Variants in PER3 observed in about 807,000 individuals in gnomAD.
PER3 encodes period circadian protein homolog 3.
Under a neutral mutation model 127.2 loss-of-function variants are expected in PER3, and 107 were observed. The ratio of observed to expected loss-of-function variants is 0.84; its 90% confidence interval spans 0.72 to 0.99. The LOEUF (loss-of-function observed/expected upper bound fraction) is 0.99. Ranked by LOEUF, PER3 falls within the 50% of genes least tolerant of loss-of-function variation. The pLI, the probability that PER3 is intolerant of heterozygous loss-of-function variation, is 0.00. For synonymous variants in PER3, 618 were observed against 585.8 expected (o/e 1.05, Z -0.79); for missense variants, 1,560 against 1,525.8 (o/e 1.02, Z -0.37).
intron 6 of PER3, among the ~76,000 whole-genome samples, chr1:7,795,622 C>G (rs919506934): frequency 2.0e-5 from 3 of 152,152 alleles, no homozygotes; most frequent in Non-Finnish European, 4.4e-5. Context: ...GGAGGAGTGA[C>G]ACGGAGCTGC....
chr1:7,827,402 C>G lies in PER3; in HGVS notation c.2473C>G (p.Pro825Ala). Residue 825 changes from proline to alanine, a missense_variant, in exon 18 of 22, where the codon CCC becomes GCC. By Grantham distance (27) the Pro-to-Ala change is conservative. This residue lies in a region of PER3 where 1,332 missense variants were observed against 1,223.6 expected (regional missense o/e 1.09). Coordinates refer to ENST00000377532, the MANE Select transcript of PER3 (RefSeq NM_001377275.1). Reference sequence around the variant, plus strand: ...CTCACCCGGAAGAGAATACGCAGCCCCCGGAACTGCACCGGAAGGCCTGCA... The same window carrying G: ...CTCACCCGGAAGAGAATACGCAGCCGCCGGAACTGCACCGGAAGGCCTGCA... Reference protein sequence around the residue: ...ATSPGREYAAPGTAPEGLHGL... With the variant: ...ATSPGREYAAAGTAPEGLHGL... 2 of 1,614,176 alleles carry G rather than the reference C, an allele frequency of 1.2e-6. No individual in the cohort carries two copies. Among genetic ancestry groups the G allele is most frequent in the South Asian group, 1.1e-5 (1 of 91,086 alleles).
At chr1:7,832,369 T>A in intron 19 of PER3, among the ~76,000 whole-genome samples, 1 of 50,352 alleles carries the variant, frequency 2.0e-5, no homozygotes. Context: ...TTATGCTCTT[T>A]TTTTTTTTTT....
At chr1:7,798,381 C>T in intron 6 of PER3, 144 bp from the exon 7 acceptor site, 1 of 637,772 alleles carries the variant, frequency 1.6e-6, no homozygotes, top group East Asian at 2.8e-5. Context: ...CATATTCTTT[C>T]TTTTGAAAAC....
chr1:7,822,770 A>G (rs1051863033), intron 16 of PER3, among the ~76,000 whole-genome samples: 8 of 152,210 alleles, frequency 5.3e-5, no homozygotes, highest in African/African-American at 1.4e-4. Flanking sequence ...TTAAAAGGCA[A>G]AAATTGGGCC....
intron 20 of PER3, among the ~76,000 whole-genome samples, chr1:7,836,213 T>G (rs2097357687): frequency 6.6e-6 from 1 of 151,618 alleles, no homozygotes; most frequent in African/African-American, 2.4e-5. Flanking sequence ...AGAGTCTCAC[T>G]CTGTCGCCCA....
intron 6 of PER3, among the ~76,000 whole-genome samples, chr1:7,798,106 A>G (rs1212159363): frequency 6.6e-6 from 1 of 152,206 alleles, no homozygotes; most frequent in Admixed American, 6.5e-5. Context: ...GAGTGTAGAA[A>G]GGGACGACTG....
At chr1:7,796,957 A>G (rs2097148370) in intron 6 of PER3, among the ~76,000 whole-genome samples, 1 of 152,152 alleles carries the variant, frequency 6.6e-6, no homozygotes, top group African/African-American at 2.4e-5. Context: ...AAATTCTAGG[A>G]AAATCAACTT....
chr1:7,810,284 C>CTG, intron 12 of PER3, 154 bp from the exon 13 acceptor site: 1 of 645,218 alleles, frequency 1.5e-6, no homozygotes, highest in East Asian at 2.8e-5. Context: ...TACCAGTATA[C>CTG]TGTGGCATGG....
At position 7,810,659 on chromosome 1, in the gene PER3, G is replaced by A. The variant is rs2097215472; in HGVS notation, c.1522+71G>A. 2.1e-6 allele frequency: 3 copies of A among 1,418,006 alleles called. No homozygotes were observed. The African/African-American group carries it at 4.3e-5, about 20-fold the overall frequency. The allele number at this position is 1,418,006 out of a possible 1,614,324, so 87.8% of individuals were successfully genotyped here. A position where few individuals can be genotyped will look rare whatever the true frequency, so the allele number is the denominator to read the frequency against. On this transcript the variant is annotated intron_variant, in intron 13 of 21. Coordinates refer to ENST00000377532, the MANE Select transcript of PER3 (RefSeq NM_001377275.1). The stretch of plus-strand genomic sequence containing the variant: ...CTCTCTGCATAGACGTCATGTATGT[G>A]ATTCGTGAGCATAAAGTCATGACCC...
In PER3 at chr1:7,819,460, C is replaced by T. The variant is rs199940821; in HGVS notation, c.1658+40C>T. On this transcript the variant is annotated intron_variant, in intron 14 of 21. Coordinates refer to ENST00000377532, the MANE Select transcript of PER3 (RefSeq NM_001377275.1). ...GTTTGGATACCATGTAAGTCTGTTC[C>T]GGAAGCATACACTGCCACTGTAGAG... The T allele has an allele frequency of 1.5e-4, 240 of 1,586,814 alleles. No individual in the cohort carries two copies. The Middle Eastern group carries it at 1.7e-3, about 11-fold the overall frequency.
At position 7,820,616 on chromosome 1, in the gene PER3, G is replaced by T. The variant is rs2097272094; in HGVS notation, c.1933G>T (p.Val645Phe). Residue 645 changes from valine to phenylalanine, a missense_variant, in exon 16 of 22, where the codon GTC (valine) becomes TTC (phenylalanine). Val to Phe is a conservative substitution (Grantham distance 50). Coordinates refer to ENST00000377532, the MANE Select transcript of PER3 (RefSeq NM_001377275.1). The stretch of plus-strand genomic sequence containing the variant: ...CCAATGCGGTTACAGCAGCACCATT[G>T]TCCATGTCCCACCCCCAGAGACAGG... Reference protein sequence around the residue: ...ISQCGYSSTIVHVPPPETARD... With the variant: ...ISQCGYSSTIFHVPPPETARD... 6.2e-7 allele frequency: 1 copy of T among 1,613,040 alleles called. No individual in the cohort carries two copies. The highest frequency in any genetic ancestry group is 8.5e-7 in the Non-Finnish European group (1 of 1,179,532).
At chr1:7,836,189 GGTTT>G (rs571928148) in intron 20 of PER3, among the ~76,000 whole-genome samples, 51 of 151,436 alleles carry the variant, frequency 3.4e-4, no homozygotes, top group Middle Eastern at 3.4e-3. Context: ...GTAGAGACGG[GGTTT>G]GTTTGTGACA....
At chr1:7,793,289 A>G (rs1007521455) in intron 5 of PER3, among the ~76,000 whole-genome samples, 1 of 152,162 alleles carries the variant, frequency 6.6e-6, no homozygotes, top group African/African-American at 2.4e-5. Context: ...TCCTAAGGCA[A>G]ATTTAGACAT....
At chr1:7,798,911 G>A (rs974039196) in intron 7 of PER3, among the ~76,000 whole-genome samples, 1 of 152,176 alleles carries the variant, frequency 6.6e-6, no homozygotes, top group Non-Finnish European at 1.5e-5. Context: ...CACAGGACTT[G>A]GTGACAGATA....
intron 6 of PER3, among the ~76,000 whole-genome samples, chr1:7,796,049 G>C (rs2097143847): frequency 6.6e-6 from 1 of 152,164 alleles, no homozygotes; most frequent in South Asian, 2.1e-4. Flanking sequence ...AATCCCTTTG[G>C]GTTGGCCCCT....
rs1279052867 is a variant in PER3, at chr1:7,827,275, G to T, written c.2346G>T (p.Ala782=). The change falls in exon 18 of 22, where the codon GCG becomes GCT. Residue 782 remains alanine (A), a synonymous_variant. Coordinates refer to ENST00000377532, the MANE Select transcript of PER3 (RefSeq NM_001377275.1). ...HQNAQPCCPS[A]ASSPHTSSPT... ...ACGCACAGCCCTGCTGCCCCTCCGC[G>T]GCCTCCTCTCCGCACACCTCGAGCC... 1.9e-6 allele frequency: 3 copies of T among 1,613,752 alleles called. No individual in the cohort carries two copies. The highest frequency in any genetic ancestry group is 2.5e-6 in the Non-Finnish European group (3 of 1,179,866).
At chr1:7,810,970 C>A (rs1409290444) in intron 13 of PER3, among the ~76,000 whole-genome samples, 1 of 152,134 alleles carries the variant, frequency 6.6e-6, no homozygotes, top group African/African-American at 2.4e-5. Context: ...TCTGTCATTT[C>A]AAACAGAAAA....
At position 7,819,433 on chromosome 1, in the gene PER3, A is replaced by G; in HGVS notation, c.1658+13A>G. On this transcript the variant is annotated intron_variant, in intron 14 of 21. Transcript: ENST00000377532. ...ACAGTGTCATCAGGTATGAGACCGC[A>G]AGTTTGGATACCATGTAAGTCTGTT... 6.2e-7 allele frequency: 1 copy of G among 1,612,350 alleles called. No homozygotes were observed.
chr1:7,801,321 G>T, intron 8 of PER3, 130 bp downstream of exon 8: 2 of 575,074 alleles, frequency 3.5e-6, no homozygotes, highest in Non-Finnish European at 6.2e-6. Flanking sequence ...TTTGATTTTT[G>T]TTACATGGAA....
Sources: allele counts gnomAD v4.1 joint callset (sites outside exome capture counted in the v4.1 genomes callset), GRCh38; gene constraint gnomAD v4.1.1; regional missense constraint gnomAD v4.1.1; transcripts MANE v1.5; gene names NCBI Gene and HGNC (gene_info 2026-07-23, HGNC 2026-07-21).